SLC4A4: variants seen among roughly 807,000 people sequenced by gnomAD.
SLC4A4 encodes the protein electrogenic sodium bicarbonate cotransporter 1.
Under a neutral mutation model 111.5 loss-of-function variants are expected in SLC4A4, and 27 were observed. That is an observed-to-expected ratio of 0.24 (90% CI 0.18 to 0.33). SLC4A4 has a LOEUF of 0.33. SLC4A4 is among the 10% of genes least tolerant of loss of function. The pLI, the probability that SLC4A4 is intolerant of heterozygous loss-of-function variation, is 1.00. For synonymous variants in SLC4A4, 443 were observed against 463.4 expected, an observed-to-expected ratio of 0.96 and a Z score of 0.57; for missense variants, 909 against 1,315.5, an observed-to-expected ratio of 0.69 and a Z score of 4.78.
rs768913941 is a variant in SLC4A4, at chr4:71,339,429, C to A, written c.313C>A (p.Pro105Thr). The A allele has an allele frequency of 6.2e-7, 1 of 1,614,094 alleles. No homozygotes were observed. Among genetic ancestry groups the A allele is most frequent in the East Asian group, 2.2e-5 (1 of 44,860 alleles). ...ILGEEDDSPA[P>T]PQLFTELDEL... is the part of the protein sequence containing the mutation. ...GGGAGAGGAGGATGACAGCCCAGCT[C>A]CCCCTCAGCTCTTCACGGAACTGGA... Residue 105 changes from proline (P) to threonine (T), a missense_variant, in exon 4 of 26, where the codon CCC (proline) becomes ACC (threonine). Physicochemically the swap from Pro to Thr is conservative, Grantham distance 38 (BLOSUM62 -1). Coordinates refer to ENST00000264485, the MANE Select transcript of SLC4A4 (RefSeq NM_001098484.3).
intron 2 of SLC4A4, among the ~76,000 whole-genome samples, chr4:71,127,858 T>G (rs1359166531): frequency 6.6e-6 from 1 of 152,206 alleles, no homozygotes; most frequent in Non-Finnish European, 1.5e-5. Flanking sequence ...GCACGGTGGC[T>G]CACACCTGTA....
chr4:71,283,488 T>C (rs1723684509), intron 3 of SLC4A4, among the ~76,000 whole-genome samples: 1 of 152,176 alleles, frequency 6.6e-6, no homozygotes, highest in African/African-American at 2.4e-5. Context: ...AACAGAATCT[T>C]GGCAGGATAG....
chr4:71,526,151 AC>A (rs1405171812), intron 16 of SLC4A4, among the ~76,000 whole-genome samples: 3 of 151,996 alleles, frequency 2.0e-5, no homozygotes, highest in Non-Finnish European at 4.4e-5. Flanking sequence ...TAGCACCCCT[AC>A]CTGTCTTCTC....
intron 7 of SLC4A4, chr4:71,437,286 C>T: frequency 5.5e-6 from 2 of 364,654 alleles, no homozygotes; most frequent in Non-Finnish European, 1.1e-5. Context: ...GGGGAGTGTC[C>T]AGATTACAGC....
chr4:71,368,487 A>G (rs1242627275), intron 6 of SLC4A4, among the ~76,000 whole-genome samples: 2 of 152,222 alleles, frequency 1.3e-5, no homozygotes, highest in African/African-American at 4.8e-5. Context: ...ATCCAGCTCT[A>G]TATTCATCAA....
At position 71,569,892 on chromosome 4, in the gene SLC4A4, T is replaced by G. The variant is rs1737802374; in HGVS notation, c.*2141T>G. 1 of 151,784 alleles carries G rather than the reference T, an allele frequency of 6.6e-6. No homozygotes were observed. Among genetic ancestry groups the G allele is most frequent in the South Asian group, 2.1e-4 (1 of 4,828 alleles). 9.4% of individuals were successfully genotyped at this position (151,784 alleles called of 1,614,324 possible). On this transcript the variant is annotated 3_prime_UTR_variant, in exon 26 of 26. Transcript: ENST00000264485. ...TTTCATTAAAATAATAGTGGTGAAT[T>G]ATATGTTATTGTGTTAAAACCTCAC...
At chr4:71,558,864 A>T (rs4694400) in intron 22 of SLC4A4, among the ~76,000 whole-genome samples, 5,992 of 149,602 alleles carry the variant, frequency 0.04, 243 homozygotes, top group East Asian at 0.21. Context: ...TCCTTTTTTT[A>T]AAAAAAAACT....
At chr4:71,486,192 A>C (rs1729386845) in intron 14 of SLC4A4, among the ~76,000 whole-genome samples, 1 of 151,540 alleles carries the variant, frequency 6.6e-6, no homozygotes, top group Non-Finnish European at 1.5e-5. Flanking sequence ...ATAATACATA[A>C]AGCTTTGCAA....
At chr4:71,385,524 C>CTA (rs1172016731) in intron 6 of SLC4A4, among the ~76,000 whole-genome samples, 2 of 151,978 alleles carry the variant, frequency 1.3e-5, no homozygotes, top group African/African-American at 4.8e-5. Flanking sequence ...TGTCTCTTAT[C>CTA]TATAAATTTT....
intron 2 of SLC4A4, among the ~76,000 whole-genome samples, chr4:71,237,376 A>G (rs1719884031): frequency 6.6e-6 from 1 of 152,206 alleles, no homozygotes; most frequent in Admixed American, 6.5e-5. Context: ...TGAAGGCATC[A>G]CAGATATATG....
chr4:71,525,930 A>G (rs1052155345), intron 16 of SLC4A4, among the ~76,000 whole-genome samples: 2 of 152,056 alleles, frequency 1.3e-5, no homozygotes, highest in Non-Finnish European at 2.9e-5. Context: ...AATGCGCTTA[A>G]AACTGTGAGA....
chr4:71,274,350 A>G (rs1048703129), intron 3 of SLC4A4, among the ~76,000 whole-genome samples: 2 of 152,168 alleles, frequency 1.3e-5, no homozygotes, highest in Non-Finnish European at 2.9e-5. Flanking sequence ...GAAAATTTGC[A>G]TGTAAGTGGA....
intron 2 of SLC4A4, among the ~76,000 whole-genome samples, chr4:71,129,283 C>A (rs565051314): frequency 1.3e-5 from 2 of 152,108 alleles, no homozygotes; most frequent in Admixed American, 6.5e-5. Flanking sequence ...AAACAAGAGA[C>A]CTCATTAAAA....
chr4:71,297,960 C>T (rs981073341), intron 3 of SLC4A4, among the ~76,000 whole-genome samples: 1 of 152,044 alleles, frequency 6.6e-6, no homozygotes, highest in African/African-American at 2.4e-5. Context: ...GTATAAAAAG[C>T]ATAGGATTTG....
intron 1 of SLC4A4, among the ~76,000 whole-genome samples, chr4:71,082,241 A>T (rs980756156): frequency 2.0e-5 from 3 of 151,976 alleles, no homozygotes; most frequent in Non-Finnish European, 4.4e-5. Context: ...CTTAACTTGG[A>T]TGTATCTGAG....
intron 2 of SLC4A4, among the ~76,000 whole-genome samples, chr4:71,110,624 C>T (rs1015684807): frequency 3.9e-5 from 6 of 152,182 alleles, no homozygotes; most frequent in African/African-American, 1.4e-4. Context: ...GTTCGTAGGG[C>T]AGGCATATCT....
At chr4:71,180,910 G>A (rs74937570) in intron 2 of SLC4A4, among the ~76,000 whole-genome samples, 12,518 of 152,070 alleles carry the variant, frequency 0.082, 576 homozygotes, top group African/African-American at 0.13. Flanking sequence ...AAAGACACAT[G>A]CACACGTATG....
intron 13 of SLC4A4, among the ~76,000 whole-genome samples, chr4:71,467,103 C>T (rs1727442845): frequency 6.6e-6 from 1 of 152,072 alleles, no homozygotes; most frequent in Non-Finnish European, 1.5e-5. Context: ...CTAGCCCTCA[C>T]CAGGCTCTGG....
At chr4:71,304,280 A>G (rs1467523259) in intron 3 of SLC4A4, among the ~76,000 whole-genome samples, 1 of 152,196 alleles carries the variant, frequency 6.6e-6, no homozygotes, top group Non-Finnish European at 1.5e-5. Context: ...GAGACCAGGG[A>G]AAGCCAGTGG....
Sources: gnomAD v4.1 joint callset for allele counts (sites outside exome capture counted in the v4.1 genomes callset) on GRCh38, gnomAD v4.1.1 for gene constraint, MANE v1.5 for transcripts, NCBI Gene and HGNC (gene_info 2026-07-23, HGNC 2026-07-21) for gene names.